The following KDM5A variants were observed in gnomAD, a reference collection of about 807,000 sequenced individuals.
The protein encoded by KDM5A is lysine demethylase 5A.
KDM5A carries 42 observed loss-of-function variants against 193.5 expected under a neutral mutation model. The observed-to-expected ratio is 0.22, with a 90% CI of 0.17 to 0.28. KDM5A has a LOEUF of 0.28. Ranked by LOEUF, KDM5A falls within the 10% of genes least tolerant of loss-of-function variation. KDM5A has a pLI of 1.00. For synonymous variants in KDM5A, 796 were observed against 718.1 expected (o/e 1.11, Z -1.73); for missense variants, 1,692 against 2,055.1 (o/e 0.82, Z 3.42).
intron 1 of KDM5A, 83 bp downstream of exon 1, chr12:388,844 A>C: frequency 3.4e-6 from 5 of 1,462,726 alleles, no homozygotes; most frequent in East Asian, 2.3e-5. Context: ...AAACGAGACA[A>C]GGATCAGAAA....
chr12:375,818 G>C (rs918834981), intron 3 of KDM5A, among the ~76,000 whole-genome samples: 6 of 152,220 alleles, frequency 3.9e-5, no homozygotes, highest in African/African-American at 1.4e-4. Flanking sequence ...CTCAGCTGCA[G>C]GTCTGTTGGA....
chr12:375,115 G>A (rs903832449), intron 3 of KDM5A, among the ~76,000 whole-genome samples: 5 of 152,134 alleles, frequency 3.3e-5, no homozygotes, highest in African/African-American at 1.2e-4. Flanking sequence ...GAATTTGAAT[G>A]TCGGCCTGCC....
At chr12:386,496 T>C (rs1294635804) in intron 1 of KDM5A, among the ~76,000 whole-genome samples, 1 of 152,144 alleles carries the variant, frequency 6.6e-6, no homozygotes, top group African/African-American at 2.4e-5. Flanking sequence ...CTTACACTTA[T>C]TTCCACTTAA....
chr12:307,361 T>C lies in KDM5A; in HGVS notation c.3930+93A>G, dbSNP rs1437359081. Reference sequence around the variant, plus strand: ...GATAATTGCTGACAAGTTACTGTTATTTTCCTAATCAATTGGTAAGACAGA... The same window carrying C: ...GATAATTGCTGACAAGTTACTGTTACTTTCCTAATCAATTGGTAAGACAGA... On this transcript the variant is annotated intron_variant, in intron 23 of 27. Coordinates refer to ENST00000399788, the MANE Select transcript of KDM5A (RefSeq NM_001042603.3). This position sits in a 1 kb window ranked among gnomAD's most constrained non-coding sequence, Gnocchi z 4.3. The C allele has an allele frequency of 2.2e-6, 3 of 1,362,574 alleles. No homozygotes were observed. The highest frequency in any genetic ancestry group is 1.7e-5 in the Admixed American group (1 of 57,346). The allele number at this position is 1,362,574 out of a possible 1,614,324, so 84.4% of individuals were successfully genotyped here.
intron 3 of KDM5A, among the ~76,000 whole-genome samples, chr12:377,638 C>G (rs1238722051): frequency 2.6e-5 from 4 of 152,142 alleles, no homozygotes; most frequent in Non-Finnish European, 5.9e-5. Context: ...AGTTTAAGAG[C>G]AGAACATTTG....
chr12:302,173 T>A (rs1943450323), intron 24 of KDM5A, among the ~76,000 whole-genome samples: 1 of 152,178 alleles, frequency 6.6e-6, no homozygotes, highest in Admixed American at 6.5e-5. Flanking sequence ...AAAAAACTAC[T>A]TTGAATTTCA....
rs1259479147 is a variant in KDM5A at position 284,887 on chromosome 12, C to T, written c.*569G>A. 4 of 236,424 alleles carry T rather than the reference C, an allele frequency of 1.7e-5. No individual in the cohort carries two copies. Among genetic ancestry groups the T allele is most frequent in the African/African-American group, 2.2e-5 (1 of 45,348 alleles). 14.6% of individuals were successfully genotyped at this position (236,424 alleles called of 1,614,324 possible). ...TCTTCTAGCACAAACAAGCACAAAT[C>T]GCTGAGGTCAATAGACTGTGATACC... On this transcript the variant is annotated 3_prime_UTR_variant, in exon 28 of 28. Transcript: ENST00000399788.
At chr12:355,412 G>C (rs1374249602) in intron 6 of KDM5A, among the ~76,000 whole-genome samples, 163 bp from the exon 7 acceptor site, 2 of 152,098 alleles carry the variant, frequency 1.3e-5, no homozygotes, top group East Asian at 3.9e-4. Flanking sequence ...AGAACCTGAG[G>C]TACAGCAAAG....
chr12:384,255 G>T lies in KDM5A; in HGVS notation c.244-102C>A, dbSNP rs375856710. The T allele has an allele frequency of 6.8e-6, 6 of 880,268 alleles. No homozygotes were observed. The East Asian group carries it at 1.5e-4, about 22-fold the overall frequency. The allele number at this position is 880,268 out of a possible 1,614,324, so 54.5% of individuals were successfully genotyped here. On this transcript the variant is annotated intron_variant, in intron 2 of 27. Transcript: ENST00000399788. ...CCAGGATGTGGACCAGTACCCATCA[G>T]CGGCCTGTTAGGAACCCAGCCACAC... is the stretch of plus-strand genomic sequence containing the variant.
rs1363849540 is a variant in KDM5A, at chr12:362,832, A to G, written c.672+131T>C. Reference sequence around the variant, plus strand: ...GCCCATGAGCCAGGCACAGCAGCGCATACCAACCAGCAATACTCAAGAGGC... The same window carrying G: ...GCCCATGAGCCAGGCACAGCAGCGCGTACCAACCAGCAATACTCAAGAGGC... On this transcript the variant is annotated intron_variant, in intron 5 of 27. Coordinates refer to ENST00000399788, the MANE Select transcript of KDM5A (RefSeq NM_001042603.3). The G allele has an allele frequency of 6.2e-6, 5 of 803,528 alleles. No individual in the cohort carries two copies. The African/African-American group carries it at 6.9e-5, about 11-fold the overall frequency. The allele number at this position is 803,528 out of a possible 1,614,324, so 49.8% of individuals were successfully genotyped here. A position where few individuals can be genotyped will look rare whatever the true frequency, so the allele number is the denominator to read the frequency against.
intron 10 of KDM5A, among the ~76,000 whole-genome samples, chr12:344,341 T>C (rs1050121763): frequency 1.4e-4 from 21 of 152,188 alleles, no homozygotes; most frequent in Admixed American, 6.6e-4. Flanking sequence ...GAAAACACTC[T>C]TCAGGATATT....
At chr12:349,699 C>CT (rs11452614) in intron 10 of KDM5A, among the ~76,000 whole-genome samples, 144,585 of 147,246 alleles carry the variant, frequency 0.98, 70,992 homozygotes, top group South Asian at 1. Context: ...ATTAAATTAG[C>CT]TTTTTTTTTT....
At position 387,688 on chromosome 12, in the gene KDM5A, A is replaced by T. The variant is rs145376702; in HGVS notation, c.165+1239T>A. Among the ~76,000 whole-genome samples, 428 of 152,288 alleles carry T rather than the reference A, an allele frequency of 2.8e-3. 13 individuals are homozygous for T. In the East Asian group the frequency reaches 0.065, roughly 23 times the overall value. ...CTTTGCCACTTGCCCAAGATCACAC[A>T]TTTGGTGTTTTAACTTATCCAGATT... is the stretch of plus-strand genomic sequence containing the variant. On this transcript the variant is annotated intron_variant, in intron 1 of 27. Coordinates refer to ENST00000399788, the MANE Select transcript of KDM5A (RefSeq NM_001042603.3).
rs1222209902 is a variant in KDM5A, at chr12:348,920, TA to T, written c.1308+1700del. Among the ~76,000 whole-genome samples, 317 of 111,132 alleles carry T rather than the reference TA, an allele frequency of 2.9e-3. 1 individual carries two copies. Among genetic ancestry groups the T allele is most frequent in the African/African-American group, 3.6e-3 (106 of 29,622 alleles). 72.9% of individuals were successfully genotyped at this position (111,132 alleles called of 152,430 possible). Reference sequence around the variant, plus strand: ...CTTAAAGTGTAATAAAATAAAAAATTAAAAAAAAAAAACCTTATGGTGTCAA... The same window carrying T: ...CTTAAAGTGTAATAAAATAAAAAATTAAAAAAAAAAACCTTATGGTGTCAA... On this transcript the variant is annotated intron_variant, in intron 10 of 27. Transcript: ENST00000399788.
Position 281,566 on chromosome 12 carries a change from A to G in KDM5A, c.*3890T>C, listed in dbSNP as rs1447264391. 3.0e-5 allele frequency: 7 copies of G among 233,262 alleles called. No individual in the cohort carries two copies. The highest frequency in any genetic ancestry group is 8.8e-5 in the African/African-American group (4 of 45,478). The allele number at this position is 233,262 out of a possible 1,614,324, so 14.4% of individuals were successfully genotyped here. On this transcript the variant is annotated 3_prime_UTR_variant, in exon 28 of 28. Coordinates refer to ENST00000399788, the MANE Select transcript of KDM5A (RefSeq NM_001042603.3). ...AAAAAGGAGGAATTTCAAAAGGAGT[A>G]CTTAAGGACCTGCTATAAAAGCAAC...
intron 13 of KDM5A, among the ~76,000 whole-genome samples, chr12:330,146 ATATCT>A (rs1943848093): frequency 6.6e-6 from 1 of 151,314 alleles, no homozygotes; most frequent in Non-Finnish European, 1.5e-5. Context: ...CAACTCTTTC[ATATCT>A]TAAATACGTA....
chr12:303,914 C>T (rs925899579), intron 24 of KDM5A, among the ~76,000 whole-genome samples: 38 of 152,232 alleles, frequency 2.5e-4, no homozygotes, highest in African/African-American at 9.1e-4. Flanking sequence ...TGCCTTTAAG[C>T]AAAAGGAAGT....
At chr12:306,910 C>T (rs753786412) in intron 24 of KDM5A, 36 bp downstream of exon 24, 1 of 1,588,368 alleles carries the variant, frequency 6.3e-7, no homozygotes, top group Non-Finnish European at 8.6e-7. Flanking sequence ...ACCCAATGAT[C>T]AGGTATGTAC....
In KDM5A at chr12:323,730, G is replaced by A. The variant is rs2137412078; in HGVS notation, c.2020C>T (p.Arg674Trp). The A allele has an allele frequency of 1.9e-6, 3 of 1,613,846 alleles. No homozygotes were observed. Among genetic ancestry groups the A allele is most frequent in the Non-Finnish European group, 1.7e-6 (2 of 1,179,822 alleles). Residue 674 changes from arginine (R) to tryptophan (W), a missense_variant, in exon 15 of 28, where the codon CGG (arginine) becomes TGG (tryptophan). Transcript: ENST00000399788. ...GTGGTTCTGCATGCTGAACACTGCC[G>A]CTCATCATCAGGAACAAGTTCAAAC... ...EVFELVPDDE[R>W]QCSACRTTCF... is the part of the protein sequence containing the mutation.
Sources: gnomAD v4.1 joint callset for allele counts (sites outside exome capture counted in the v4.1 genomes callset) on GRCh38, gnomAD v4.1.1 for gene constraint, Gnocchi (gnomAD v3.1) non-coding constraint, MANE v1.5 for transcripts, NCBI Gene and HGNC (gene_info 2026-07-23, HGNC 2026-07-21) for gene names.